SLC25A33: variants seen among roughly 807,000 people sequenced by gnomAD.
The protein encoded by SLC25A33 is solute carrier family 25 member 33.
In SLC25A33, 15 loss-of-function variants were observed where a neutral mutation model predicts 35.5. The ratio of observed to expected loss-of-function variants is 0.42; its 90% CI spans 0.28 to 0.65. SLC25A33 has a LOEUF of 0.65. Ranked by LOEUF, SLC25A33 falls within the 30% of genes least tolerant of loss-of-function variation. The pLI is 0.20. For synonymous variants in SLC25A33, 136 were observed against 148.7 expected (o/e 0.91, Z 0.62); for missense variants, 257 against 398.5 (o/e 0.64, Z 3.02).
chr1:9,569,963 C>T (rs1643565554), intron 3 of SLC25A33, among the ~76,000 whole-genome samples: 1 of 152,114 alleles, frequency 6.6e-6, no homozygotes, highest in South Asian at 2.1e-4. Context: ...AAAGGATTAG[C>T]ATTTATCCAG....
rs1026759054 is a variant in SLC25A33 at position 9,583,232 on chromosome 1, T to G, written c.*731T>G. 1 of 151,848 alleles carries G rather than the reference T, an allele frequency of 6.6e-6. No homozygotes were observed. Among genetic ancestry groups the G allele is most frequent in the African/African-American group, 2.4e-5 (1 of 41,342 alleles). 9.4% of individuals were successfully genotyped at this position (151,848 alleles called of 1,614,324 possible). A position where few individuals can be genotyped will look rare whatever the true frequency, so the allele number is the denominator to read the frequency against. ...GACTCCATCTCAAAAAAAAAAAAAT[T>G]GTGTCACATTTTGGTGGTGGTGTGT... is the stretch of plus-strand genomic sequence containing the variant. On this transcript the variant is annotated 3_prime_UTR_variant, in exon 7 of 7. Coordinates refer to ENST00000302692, the MANE Select transcript of SLC25A33 (RefSeq NM_032315.3).
chr1:9,553,228 G>GTTTTTTTTTTTT (rs1643294121), intron 1 of SLC25A33, among the ~76,000 whole-genome samples: 1 of 38,700 alleles, frequency 2.6e-5, no homozygotes, highest in East Asian at 7.3e-4. Context: ...TTTTTTTTTT[G>GTTTTTTTTTTTT]GGTTTTTTTT....
intron 1 of SLC25A33, among the ~76,000 whole-genome samples, chr1:9,546,256 C>T (rs1643167706): frequency 7.1e-6 from 1 of 140,772 alleles, no homozygotes; most frequent in African/African-American, 2.7e-5. Context: ...GCGATCTCGG[C>T]TCACTGCAAA....
In SLC25A33 at chr1:9,547,172, C is replaced by T. The variant is rs531996953; in HGVS notation, c.57-6454C>T. On this transcript the variant is annotated intron_variant, in intron 1 of 6. Coordinates refer to ENST00000302692, the MANE Select transcript of SLC25A33 (RefSeq NM_032315.3). Reference sequence around the variant, plus strand: ...TGTGACTTAAGAAATTAGGGATCTTCGCCAGGCGCAGTGGCTCATGCCTGT... The same window carrying T: ...TGTGACTTAAGAAATTAGGGATCTTTGCCAGGCGCAGTGGCTCATGCCTGT... 1.2e-4 allele frequency among the ~76,000 whole-genome samples: 18 copies of T among 152,032 alleles called. No individual in the cohort carries two copies. In the East Asian group the frequency reaches 1.5e-3, roughly 13 times the overall value.
intron 5 of SLC25A33, among the ~76,000 whole-genome samples, chr1:9,574,561 G>C (rs1643634884): frequency 6.6e-6 from 1 of 152,180 alleles, no homozygotes; most frequent in Non-Finnish European, 1.5e-5. Context: ...AAATATTTCT[G>C]TGTGTGTCAA....
intron 1 of SLC25A33, among the ~76,000 whole-genome samples, chr1:9,544,100 C>T (rs1287659572): frequency 6.6e-6 from 1 of 151,802 alleles, no homozygotes; most frequent in Admixed American, 6.6e-5. Flanking sequence ...GAGAGAGAGA[C>T]TCCATCTCAG....
At chr1:9,541,523 C>T (rs1352330374) in intron 1 of SLC25A33, among the ~76,000 whole-genome samples, 1 of 152,110 alleles carries the variant, frequency 6.6e-6, no homozygotes, top group Non-Finnish European at 1.5e-5. Context: ...CACTCCTGAC[C>T]TCAAGTGATG....
chr1:9,567,239 C>T, intron 2 of SLC25A33, 45 bp from the exon 3 acceptor site: 1 of 1,512,614 alleles, frequency 6.6e-7, no homozygotes. Context: ...TTTTAATAGG[C>T]CTTGCCTGAG....
chr1:9,570,403 T>C, intron 4 of SLC25A33, 45 bp downstream of exon 4: 1 of 1,500,590 alleles, frequency 6.7e-7, no homozygotes, highest in Non-Finnish European at 9.2e-7. Flanking sequence ...CTCTCACTTT[T>C]CTAAAGCATG....
chr1:9,564,737 A>ATATATATATATATATATATATAT, intron 2 of SLC25A33, among the ~76,000 whole-genome samples: 1 of 72,732 alleles, frequency 1.4e-5, no homozygotes, highest in Middle Eastern at 6.3e-3. Context: ...AAAAAAAAAA[A>ATATATATATATATATATATATAT]AAATATATAT....
intron 1 of SLC25A33, among the ~76,000 whole-genome samples, chr1:9,546,074 G>T (rs2100368821): frequency 6.6e-6 from 1 of 151,738 alleles, no homozygotes; most frequent in African/African-American, 2.4e-5. Flanking sequence ...TATCCCTCGT[G>T]ACTGCTTTTA....
At chr1:9,562,278 G>T (rs1046745109) in intron 2 of SLC25A33, among the ~76,000 whole-genome samples, 1 of 151,154 alleles carries the variant, frequency 6.6e-6, no homozygotes, top group African/African-American at 2.4e-5. Flanking sequence ...AGCCTGGGAG[G>T]CGGAGGCTGC....
At chr1:9,551,419 G>T (rs562169740) in intron 1 of SLC25A33, among the ~76,000 whole-genome samples, 107 of 152,250 alleles carry the variant, frequency 7.0e-4, no homozygotes, top group African/African-American at 2.5e-3. Flanking sequence ...CCCTCATGGG[G>T]ATTTTACTTC....
rs529922390 is a variant in SLC25A33, at chr1:9,554,442, C to T, written c.236+637C>T. Among the ~76,000 whole-genome samples, 4 of 152,358 alleles carry T rather than the reference C, an allele frequency of 2.6e-5. No individual in the cohort carries two copies. The South Asian group carries it at 8.3e-4, about 32-fold the overall frequency. On this transcript the variant is annotated intron_variant, in intron 2 of 6. Transcript: ENST00000302692. ...TGGCACAATCTCAGCTCACCGCAAC[C>T]TCTGCCTCCTGGATTCAAGCGATTC...
At chr1:9,574,064 C>T (rs928444424) in intron 5 of SLC25A33, among the ~76,000 whole-genome samples, 1 of 151,106 alleles carries the variant, frequency 6.6e-6, no homozygotes, top group African/African-American at 2.4e-5. Flanking sequence ...AATCTTGGCT[C>T]ACTGCAATCT....
intron 5 of SLC25A33, chr1:9,577,080 GGGAAGAAAAGAATA>G: frequency 1.7e-6 from 1 of 578,476 alleles, no homozygotes; most frequent in Non-Finnish European, 3.0e-6. Context: ...ACATTGATTT[GGGAAGAAAAGAATA>G]GCCAGGTGGG....
chr1:9,539,880 AAGT>A, intron 1 of SLC25A33, 133 bp downstream of exon 1: 1 of 822,182 alleles, frequency 1.2e-6, no homozygotes. Flanking sequence ...CGGGAGGAGG[AAGT>A]CCCGGCGTCG....
intron 2 of SLC25A33, among the ~76,000 whole-genome samples, chr1:9,564,739 A>AAAATATATATATATATATAT (rs60174872): frequency 7.3e-5 from 7 of 96,526 alleles, no homozygotes; most frequent in South Asian, 3.1e-4. Flanking sequence ...AAAAAAAAAA[A>AAAATATATATATATATATAT]ATATATATAT....
In SLC25A33 at chr1:9,580,238, T is replaced by C. The variant is rs776613330; in HGVS notation, c.763+4T>C. On this transcript the variant is annotated splice_donor_region_variant and intron_variant, in intron 6 of 6. Coordinates refer to ENST00000302692, the MANE Select transcript of SLC25A33 (RefSeq NM_032315.3). ...TCCTGCATTGCTTATCCACACGGTA[T>C]GTTTTGCTTTTGTTCTTCCAGAGCA... is the stretch of plus-strand genomic sequence containing the variant. The C allele has an allele frequency of 2.5e-6, 4 of 1,609,882 alleles. No individual in the cohort carries two copies. In the South Asian group the frequency reaches 3.3e-5, roughly 13 times the overall value.
Sources: gnomAD v4.1 joint callset for allele counts (sites outside exome capture counted in the v4.1 genomes callset) on GRCh38, gnomAD v4.1.1 for gene constraint, MANE v1.5 for transcripts, NCBI Gene and HGNC (gene_info 2026-07-23, HGNC 2026-07-21) for gene names.